The following YTHDF3 variants were observed in gnomAD, a reference collection of about 807,000 sequenced individuals.
The protein encoded by YTHDF3 is YTH domain-containing family protein 3.
Under a neutral mutation model 52.5 loss-of-function variants are expected in YTHDF3, and 9 were observed. The observed-to-expected ratio is 0.17, with a 90% CI of 0.10 to 0.30. The LOEUF is 0.30. Ranked by LOEUF, YTHDF3 falls within the 10% of genes least tolerant of loss-of-function variation. The probability of loss-of-function intolerance (pLI) is 1.00; values close to 1 mark genes in which losing one functional copy is unlikely to be tolerated. For synonymous variants in YTHDF3, 274 were observed against 243.3 expected (o/e 1.13, Z -1.18); for missense variants, 534 against 715.0 (o/e 0.75, Z 2.89).
intron 4 of YTHDF3, among the ~76,000 whole-genome samples, chr8:63,207,948 A>T (rs1023898560): frequency 6.6e-6 from 1 of 152,168 alleles, no homozygotes; most frequent in Admixed American, 6.5e-5. Flanking sequence ...AACTTTCTTT[A>T]TGTTTCAACT....
At chr8:63,199,182 A>C (rs1809435659) in intron 4 of YTHDF3, among the ~76,000 whole-genome samples, 1 of 152,188 alleles carries the variant, frequency 6.6e-6, no homozygotes, top group Admixed American at 6.6e-5. Context: ...TCCAATGCTG[A>C]TAACTTTATC....
At chr8:63,177,195 G>A (rs2130002883) in intron 3 of YTHDF3, among the ~76,000 whole-genome samples, 1 of 152,302 alleles carries the variant, frequency 6.6e-6, no homozygotes, top group Non-Finnish European at 1.5e-5. Context: ...GTACAGTAGA[G>A]TTATAGGGAA....
chr8:63,168,863 G>T lies in YTHDF3; in HGVS notation c.-15G>T, dbSNP rs778470121. 3 of 1,554,442 alleles carry T rather than the reference G, an allele frequency of 1.9e-6. No individual in the cohort carries two copies. The highest frequency in any genetic ancestry group is 3.9e-5 in the Admixed American group (2 of 51,522). Reference sequence around the variant, plus strand: ...GGCAGCGGCGGCGGCGGCGGCTCTCGGGTTGCGGTGAAGAATGTCAGCCAC... The same window carrying T: ...GGCAGCGGCGGCGGCGGCGGCTCTCTGGTTGCGGTGAAGAATGTCAGCCAC... On this transcript the variant is annotated 5_prime_UTR_variant, in exon 1 of 5. Transcript: ENST00000539294.
intron 3 of YTHDF3, among the ~76,000 whole-genome samples, chr8:63,179,747 T>A (rs1370205541): frequency 6.6e-6 from 1 of 151,948 alleles, no homozygotes; most frequent in African/African-American, 2.4e-5. Context: ...ACCTCCCAGA[T>A]GGGGTGGTGG....
chr8:63,169,611 A>G (rs970670587), intron 2 of YTHDF3, 200 bp downstream of exon 2: 6 of 592,316 alleles, frequency 1.0e-5, no homozygotes, highest in African/African-American at 7.5e-5. Flanking sequence ...TATAGAAACC[A>G]AAGTAGTACG....
At chr8:63,206,072 C>T (rs72659898) in intron 4 of YTHDF3, among the ~76,000 whole-genome samples, 2,891 of 151,978 alleles carry the variant, frequency 0.019, 35 homozygotes, top group Middle Eastern at 0.031. Context: ...TTTAGTGTAC[C>T]TGTTTTGTTT....
Position 63,211,953 on chromosome 8 carries a change from CATT to C in YTHDF3, c.*2250_*2252del, listed in dbSNP as rs1810391516. 6.6e-6 allele frequency: 1 copy of C among 152,554 alleles called. No homozygotes were observed. Among genetic ancestry groups the C allele is most frequent in the Non-Finnish European group, 1.5e-5 (1 of 68,006 alleles). The allele number at this position is 152,554 out of a possible 1,614,324, so 9.5% of individuals were successfully genotyped here. On this transcript the variant is annotated 3_prime_UTR_variant, in exon 5 of 5. Coordinates refer to ENST00000539294, the MANE Select transcript of YTHDF3 (RefSeq NM_152758.6). ...CACCTTCTCTTCCTTCTTGGTCTGT[CATT>C]ATATTGCAAAATATTTTTCCTCTGA...
intron 2 of YTHDF3, among the ~76,000 whole-genome samples, chr8:63,174,257 T>G (rs1563392423): frequency 6.6e-6 from 1 of 152,230 alleles, no homozygotes; most frequent in Admixed American, 6.5e-5. Context: ...CAACTTTATC[T>G]TCACTAGTAT....
intron 4 of YTHDF3, among the ~76,000 whole-genome samples, chr8:63,190,157 C>T (rs1193385508): frequency 6.6e-6 from 1 of 152,118 alleles, no homozygotes; most frequent in African/African-American, 2.4e-5. Context: ...AGTTAGATGT[C>T]CGAGTCACAG....
intron 2 of YTHDF3, 134 bp downstream of exon 2, chr8:63,169,545 C>T (rs912174755): frequency 2.6e-5 from 26 of 984,094 alleles, no homozygotes; most frequent in Admixed American, 1.0e-4. Context: ...TTCATCATGG[C>T]TAAGGTAGCC....
intron 3 of YTHDF3, among the ~76,000 whole-genome samples, chr8:63,184,747 A>G (rs1025306984): frequency 2.0e-5 from 3 of 152,242 alleles, no homozygotes; most frequent in African/African-American, 7.2e-5. Flanking sequence ...TTAGCCTTCA[A>G]AATGGTATTG....
chr8:63,173,213 T>TATATATACACAC (rs947970396), intron 2 of YTHDF3, among the ~76,000 whole-genome samples: 1 of 146,104 alleles, frequency 6.8e-6, no homozygotes, highest in African/African-American at 2.6e-5. Flanking sequence ...TATATATATA[T>TATATATACACAC]ACAGATAAAT....
chr8:63,197,256 A>T (rs1809298571), intron 4 of YTHDF3, among the ~76,000 whole-genome samples: 1 of 152,236 alleles, frequency 6.6e-6, no homozygotes, highest in Non-Finnish European at 1.5e-5. Flanking sequence ...TTAAAAGTGG[A>T]AATGCTTTGA....
intron 1 of YTHDF3, 114 bp downstream of exon 1, chr8:63,169,015 C>A: frequency 6.8e-7 from 1 of 1,473,096 alleles, no homozygotes; most frequent in Non-Finnish European, 8.9e-7. Context: ...AACGGTGCCC[C>A]GGGCGCAAGT....
chr8:63,192,657 T>C (rs1329505684), intron 4 of YTHDF3, among the ~76,000 whole-genome samples: 2 of 152,202 alleles, frequency 1.3e-5, no homozygotes, highest in Non-Finnish European at 2.9e-5. Context: ...TTTGATATGC[T>C]TGTGCTTGCA....
intron 4 of YTHDF3, among the ~76,000 whole-genome samples, chr8:63,203,602 A>G (rs1809788300): frequency 6.6e-6 from 1 of 152,172 alleles, no homozygotes; most frequent in South Asian, 2.1e-4. Context: ...TAAGAAATGA[A>G]CATTGGTACA....
At chr8:63,196,408 A>AAAAAT (rs1261110155) in intron 4 of YTHDF3, among the ~76,000 whole-genome samples, 5 of 151,988 alleles carry the variant, frequency 3.3e-5, no homozygotes, top group Admixed American at 6.6e-5. Flanking sequence ...CTAAAAATAC[A>AAAAAT]AAAATTAGCG....
At chr8:63,206,010 A>G (rs548474332) in intron 4 of YTHDF3, among the ~76,000 whole-genome samples, 3 of 152,232 alleles carry the variant, frequency 2.0e-5, no homozygotes, top group Admixed American at 2.0e-4. Context: ...TAACTCATGT[A>G]TCCAGTTGCC....
intron 3 of YTHDF3, among the ~76,000 whole-genome samples, chr8:63,177,987 A>T (rs1223905175): frequency 6.6e-6 from 1 of 152,120 alleles, no homozygotes; most frequent in East Asian, 1.9e-4. Flanking sequence ...TGAACTCCTG[A>T]CGTCAAGTGA....
Sources: gnomAD v4.1 joint callset for allele counts (sites outside exome capture counted in the v4.1 genomes callset) on GRCh38, gnomAD v4.1.1 for gene constraint, MANE v1.5 for transcripts, NCBI Gene and HGNC (gene_info 2026-07-23, HGNC 2026-07-21) for gene names.